SLC25A13: variants seen among roughly 807,000 people sequenced by gnomAD.
The protein encoded by SLC25A13 is solute carrier family 25 member 13, also known as electrogenic aspartate/glutamate antiporter SLC25A13, mitochondrial.
SLC25A13 carries 70 observed loss-of-function variants against 85.5 expected under a neutral mutation model. The ratio of observed to expected loss-of-function variants is 0.82; its 90% CI spans 0.68 to 1.00. SLC25A13 has a LOEUF of 1.00. Among genes scored for constraint, SLC25A13 ranks in the 50% least tolerant of loss-of-function variants. SLC25A13 has a pLI of 0.00. For synonymous variants in SLC25A13, 259 were observed against 288.7 expected (o/e 0.90, Z 1.04); for missense variants, 765 against 819.8 (o/e 0.93, Z 0.82).
chr7:96,161,344 C>T (rs977911115), intron 13 of SLC25A13, among the ~76,000 whole-genome samples: 1 of 152,176 alleles, frequency 6.6e-6, no homozygotes, highest in African/African-American at 2.4e-5. Flanking sequence ...AATTCCTGCA[C>T]CCCTACTCTC....
chr7:96,170,184 T>TAGAA, intron 12 of SLC25A13, 59 bp from the exon 13 acceptor site: 1 of 1,407,584 alleles, frequency 7.1e-7, no homozygotes, highest in South Asian at 1.2e-5. Flanking sequence ...ATTAAACACT[T>TAGAA]ATAAATATGC....
At chr7:96,136,905 T>C (rs1792310595) in intron 14 of SLC25A13, among the ~76,000 whole-genome samples, 1 of 152,132 alleles carries the variant, frequency 6.6e-6, no homozygotes, top group Non-Finnish European at 1.5e-5. Flanking sequence ...GTGCACCTTG[T>C]CTGAGAAGGT....
intron 14 of SLC25A13, among the ~76,000 whole-genome samples, chr7:96,140,204 C>T (rs1032257165): frequency 2.0e-5 from 3 of 150,980 alleles, no homozygotes; most frequent in Non-Finnish European, 4.4e-5. Context: ...GTGATCCGCC[C>T]GCCTCGGCCT....
At chr7:96,257,817 T>A (rs1797697969) in intron 3 of SLC25A13, among the ~76,000 whole-genome samples, 1 of 152,128 alleles carries the variant, frequency 6.6e-6, no homozygotes, top group Non-Finnish European at 1.5e-5. Flanking sequence ...AAATCCTCAA[T>A]AAAATACTGG....
intron 3 of SLC25A13, among the ~76,000 whole-genome samples, chr7:96,248,708 A>G (rs933376396): frequency 6.6e-6 from 1 of 152,170 alleles, no homozygotes; most frequent in African/African-American, 2.4e-5. Context: ...TTTTAATTGT[A>G]TATTCCATTT....
At chr7:96,144,229 C>T (rs1411306767) in intron 14 of SLC25A13, among the ~76,000 whole-genome samples, 1 of 151,990 alleles carries the variant, frequency 6.6e-6, no homozygotes, top group African/African-American at 2.4e-5. Flanking sequence ...AGACAGAATG[C>T]TGGGAATATA....
chr7:96,170,023 G>C, intron 13 of SLC25A13, 22 bp downstream of exon 13: 2 of 1,610,244 alleles, frequency 1.2e-6, no homozygotes, highest in Non-Finnish European at 1.7e-6. Context: ...TTTCAATGAA[G>C]AGAGCTTCAA....
chr7:96,252,709 A>G (rs1487575584), intron 3 of SLC25A13, among the ~76,000 whole-genome samples: 2 of 152,202 alleles, frequency 1.3e-5, no homozygotes, highest in African/African-American at 4.8e-5. Flanking sequence ...GAGAACTAAT[A>G]TTATCATTGG....
At chr7:96,228,614 T>G (rs1184542869) in intron 4 of SLC25A13, among the ~76,000 whole-genome samples, 1 of 152,190 alleles carries the variant, frequency 6.6e-6, no homozygotes, top group Non-Finnish European at 1.5e-5. Context: ...CTGGCCACAC[T>G]TGAGGAGCCC....
chr7:96,132,017 A>T (rs1479241884), intron 14 of SLC25A13, 136 bp from the exon 15 acceptor site: 4 of 1,120,752 alleles, frequency 3.6e-6, no homozygotes, highest in Non-Finnish European at 5.2e-6. Context: ...AAAGGGGAAC[A>T]GAAAAAAATA....
intron 15 of SLC25A13, among the ~76,000 whole-genome samples, chr7:96,128,752 TATAATA>T (rs367558778): frequency 0.13 from 18,369 of 139,808 alleles, 1,450 homozygotes; most frequent in African/African-American, 0.23. Context: ...GAACTTAAAG[TATAATA>T]ATAATAATAA....
chr7:96,185,067 T>C, intron 9 of SLC25A13, 56 bp from the exon 10 acceptor site: 1 of 1,439,812 alleles, frequency 6.9e-7, no homozygotes, highest in Non-Finnish European at 9.6e-7. Context: ...GAAAAGAAGA[T>C]AAAACAAAAA....
At chr7:96,129,082 C>T (rs1791890172) in intron 15 of SLC25A13, among the ~76,000 whole-genome samples, 1 of 151,850 alleles carries the variant, frequency 6.6e-6, no homozygotes, top group Admixed American at 6.6e-5. Flanking sequence ...CTGTCAACAG[C>T]TATGTCATTG....
intron 11 of SLC25A13, among the ~76,000 whole-genome samples, chr7:96,173,350 G>C (rs1012784986): frequency 2.6e-5 from 4 of 152,172 alleles, no homozygotes; most frequent in East Asian, 3.8e-4. Context: ...CCAAGGCATA[G>C]AGAGATAAAG....
intron 15 of SLC25A13, among the ~76,000 whole-genome samples, chr7:96,130,407 T>C (rs544314823): frequency 2.3e-4 from 35 of 152,340 alleles, no homozygotes; most frequent in South Asian, 1.7e-3. Flanking sequence ...GCCAAGTCTT[T>C]CACATGGATC....
chr7:96,224,831 A>G (rs4236531), intron 4 of SLC25A13, among the ~76,000 whole-genome samples: 150,015 of 152,276 alleles, frequency 0.99, 73,933 homozygotes, highest in East Asian at 1. Flanking sequence ...TCTGGATTAC[A>G]GTGGGCTTGC....
chr7:96,147,016 A>G (rs1467981290), intron 13 of SLC25A13, among the ~76,000 whole-genome samples: 1 of 152,010 alleles, frequency 6.6e-6, no homozygotes, highest in East Asian at 1.9e-4. Flanking sequence ...CAGGACTCAA[A>G]GCCAAGGGCA....
intron 3 of SLC25A13, among the ~76,000 whole-genome samples, chr7:96,258,890 G>A (rs942503381): frequency 1.3e-5 from 2 of 152,274 alleles, no homozygotes; most frequent in South Asian, 4.1e-4. Flanking sequence ...GGACAGAATA[G>A]AAGCCTCAGA....
intron 11 of SLC25A13, among the ~76,000 whole-genome samples, chr7:96,175,103 T>G (rs1794168122): frequency 6.6e-6 from 1 of 152,122 alleles, no homozygotes; most frequent in Admixed American, 6.5e-5. Context: ...ATCACAGGAC[T>G]ATGAGAACCC....
Sources: gnomAD v4.1 joint callset for allele counts (sites outside exome capture counted in the v4.1 genomes callset) on GRCh38, gnomAD v4.1.1 for gene constraint, MANE v1.5 for transcripts, NCBI Gene and HGNC (gene_info 2026-07-23, HGNC 2026-07-21) for gene names.